The following FILIP1L variants were observed in gnomAD, a reference collection of about 807,000 sequenced individuals.
FILIP1L encodes filamin A interacting protein 1 like, also known as filamin A-interacting protein 1-like.
FILIP1L carries 55 observed loss-of-function variants against 96.6 expected under a neutral mutation model. The observed-to-expected ratio is 0.57, with a 90% CI of 0.46 to 0.71. The LOEUF (loss-of-function observed/expected upper bound fraction) is 0.71. FILIP1L is among the 30% of genes least tolerant of loss of function. The pLI is 0.00. For synonymous variants in FILIP1L, 467 were observed against 473.9 expected, an observed-to-expected ratio of 0.99 and a Z score of 0.19; for missense variants, 1,304 against 1,321.2, an observed-to-expected ratio of 0.99 and a Z score of 0.20.
intron 1 of FILIP1L, among the ~76,000 whole-genome samples, chr3:99,932,783 C>T (rs140677621): frequency 1.3e-5 from 2 of 152,110 alleles, no homozygotes; most frequent in Non-Finnish European, 2.9e-5. Flanking sequence ...CCCAGCTACT[C>T]AGGAGGCTGA....
chr3:99,920,185 T>G (rs1443659963), intron 4 of FILIP1L, among the ~76,000 whole-genome samples: 1 of 152,144 alleles, frequency 6.6e-6, no homozygotes, highest in African/African-American at 2.4e-5. Context: ...AGAAATGCAG[T>G]AACATATATG....
intron 1 of FILIP1L, among the ~76,000 whole-genome samples, chr3:100,060,275 T>C (rs899911906): frequency 7.2e-5 from 11 of 152,198 alleles, no homozygotes; most frequent in Admixed American, 6.5e-4. Flanking sequence ...TGAAGTACCA[T>C]GCAAGGAGAA....
chr3:99,955,334 G>A (rs1188185227), intron 1 of FILIP1L, among the ~76,000 whole-genome samples: 2 of 152,070 alleles, frequency 1.3e-5, no homozygotes, highest in South Asian at 2.1e-4. Flanking sequence ...AGAGACCTAC[G>A]GAATATTTGT....
At chr3:99,991,826 A>G (rs951266483) in intron 1 of FILIP1L, among the ~76,000 whole-genome samples, 5 of 77,106 alleles carry the variant, frequency 6.5e-5, no homozygotes, top group African/African-American at 8.4e-5. Context: ...TGGTGTGTGT[A>G]TATATATATA....
chr3:99,832,438 G>T (rs1163106200), intron 5 of FILIP1L, among the ~76,000 whole-genome samples: 1 of 148,500 alleles, frequency 6.7e-6, no homozygotes, highest in African/African-American at 2.5e-5. Context: ...CACTGTGTTA[G>T]CCAGGATGAT....
intron 3 of FILIP1L, among the ~76,000 whole-genome samples, chr3:99,928,631 T>C (rs1707374102): frequency 6.6e-6 from 1 of 152,352 alleles, no homozygotes; most frequent in South Asian, 2.1e-4. Context: ...AACATAAGTT[T>C]GGAATCATCC....
In FILIP1L at chr3:99,915,527, C is replaced by T. The variant is rs149949621; in HGVS notation, c.605+8703G>A. Among the ~76,000 whole-genome samples, 706 of 152,160 alleles carry T rather than the reference C, an allele frequency of 4.6e-3. 5 individuals are homozygous for T. Among genetic ancestry groups the T allele is most frequent in the African/African-American group, 0.016 (670 of 41,498 alleles). ...CCTCACTTTGGTTCAGTCTTGATTT[C>T]GCATATTTGGAAGGCTACATTTTTC... On this transcript the variant is annotated intron_variant, in intron 4 of 5. Coordinates refer to ENST00000477258, the MANE Select transcript of FILIP1L (RefSeq NM_001387850.1).
Position 99,851,027 on chromosome 3 carries a change from TCTC to T in FILIP1L, c.646_648del (p.Glu216del), listed in dbSNP as rs962290921. Reference sequence around the variant, plus strand: ...ACCCTTTTCTCCTTTTCTTGCTCCTTCTCCTCCTGAGACTTGATTTCTTGATCA... The same window carrying T: ...ACCCTTTTCTCCTTTTCTTGCTCCTTCTCCTGAGACTTGATTTCTTGATCA... On this transcript the variant is annotated inframe_deletion, in exon 5 of 6. Coordinates refer to ENST00000477258, the MANE Select transcript of FILIP1L (RefSeq NM_001387850.1). 5.0e-6 allele frequency: 8 copies of T among 1,609,094 alleles called. No homozygotes were observed. Among genetic ancestry groups the T allele is most frequent in the African/African-American group, 4.0e-5 (3 of 74,686 alleles).
intron 4 of FILIP1L, among the ~76,000 whole-genome samples, chr3:99,910,870 A>G (rs1706765721): frequency 6.6e-6 from 1 of 151,890 alleles, no homozygotes; most frequent in South Asian, 2.1e-4. Flanking sequence ...CCAAACTCAA[A>G]CAATGGCCAA....
intron 3 of FILIP1L, among the ~76,000 whole-genome samples, chr3:99,928,644 T>C (rs1196708422): frequency 1.3e-5 from 2 of 152,214 alleles, no homozygotes; most frequent in Non-Finnish European, 1.5e-5. Flanking sequence ...AATCATCCTG[T>C]TCCATTTCAC....
rs938283689 is a variant in FILIP1L, at chr3:99,966,502, G to A, written c.-10-35472C>T. Among the ~76,000 whole-genome samples the A allele has an allele frequency of 1.6e-4, 24 of 152,170 alleles. 1 individual carries two copies. Among genetic ancestry groups the A allele is most frequent in the African/African-American group, 4.8e-4 (20 of 41,512 alleles). ...AATGATTGTTTTTGTGCAGAGCCCCGTCAAAATAGTACGGAGACTTAGACT... is the reference window on the plus strand; with the variant it reads ...AATGATTGTTTTTGTGCAGAGCCCCATCAAAATAGTACGGAGACTTAGACT... On this transcript the variant is annotated intron_variant, in intron 1 of 5. Transcript: ENST00000477258.
intron 1 of FILIP1L, among the ~76,000 whole-genome samples, chr3:100,098,663 G>A (rs1226867295): frequency 6.6e-6 from 1 of 152,118 alleles, no homozygotes; most frequent in Non-Finnish European, 1.5e-5. Context: ...CTACAGCCCT[G>A]AAAACTTTAC....
chr3:99,930,942 C>G lies in FILIP1L; in HGVS notation c.79G>C (p.Gly27Arg). The G allele has an allele frequency of 6.2e-7, 1 of 1,613,682 alleles. No homozygotes were observed. Among genetic ancestry groups the G allele is most frequent in the Non-Finnish European group, 8.5e-7 (1 of 1,179,896 alleles). ...PRHTKGHSFQ[G>R]PKNMKHRQQD... ...TGTCTATGCTTCATGTTTTTAGGCC[C>G]TTGGAAACTGTGGCCTTTAGTATGT... is the stretch of plus-strand genomic sequence containing the variant. Residue 27 changes from glycine to arginine, a missense_variant, in exon 2 of 6, where the codon GGG (glycine) becomes CGG (arginine). Gly to Arg is a moderately radical substitution (Grantham distance 125). Transcript: ENST00000477258.
chr3:100,088,891 G>A (rs6790535), intron 1 of FILIP1L, among the ~76,000 whole-genome samples: 32,054 of 151,764 alleles, frequency 0.21, 3,513 homozygotes, highest in South Asian at 0.26. Context: ...GTAAATGTTT[G>A]TTTTTTGTTA....
At chr3:100,106,793 A>T (rs2066403155) in intron 1 of FILIP1L, among the ~76,000 whole-genome samples, 1 of 152,134 alleles carries the variant, frequency 6.6e-6, no homozygotes, top group African/African-American at 2.4e-5. Context: ...TCCTAACCTA[A>T]TGCCCTGATC....
At chr3:99,860,485 G>A (rs1944191221) in intron 4 of FILIP1L, among the ~76,000 whole-genome samples, 1 of 152,136 alleles carries the variant, frequency 6.6e-6, no homozygotes, top group Non-Finnish European at 1.5e-5. Flanking sequence ...AGCAGAAAAA[G>A]GAGCAAAGTA....
chr3:99,945,497 G>A (rs772213843), intron 1 of FILIP1L, among the ~76,000 whole-genome samples: 1 of 152,170 alleles, frequency 6.6e-6, no homozygotes, highest in Non-Finnish European at 1.5e-5. Flanking sequence ...GCTGCTGCTA[G>A]GAACTGTAAG....
chr3:99,864,073 T>C (rs528964490), intron 4 of FILIP1L, among the ~76,000 whole-genome samples: 10 of 152,222 alleles, frequency 6.6e-5, no homozygotes, highest in Non-Finnish European at 1.0e-4. Context: ...ATGGAATTAA[T>C]ATGTAGGAGG....
At chr3:99,887,633 C>A (rs1178640152) in intron 4 of FILIP1L, among the ~76,000 whole-genome samples, 2 of 152,144 alleles carry the variant, frequency 1.3e-5, no homozygotes, top group Non-Finnish European at 2.9e-5. Flanking sequence ...TTAAATGAAT[C>A]ATGGCATTGT....
Sources: allele counts gnomAD v4.1 joint callset (sites outside exome capture counted in the v4.1 genomes callset), GRCh38; gene constraint gnomAD v4.1.1; transcripts MANE v1.5; gene names NCBI Gene and HGNC (gene_info 2026-07-23, HGNC 2026-07-21).